KIF2C: variants seen among roughly 807,000 people sequenced by gnomAD.
KIF2C encodes kinesin-like protein KIF2C.
KIF2C carries 34 observed loss-of-function variants against 97.4 expected under a neutral mutation model. The ratio of observed to expected loss-of-function variants is 0.35; its 90% CI spans 0.27 to 0.46. KIF2C has a LOEUF of 0.46. Ranked by LOEUF, KIF2C falls within the 20% of genes least tolerant of loss-of-function variation. The pLI is 1.00. For synonymous variants in KIF2C, 313 were observed against 318.2 expected (o/e 0.98, Z 0.17); for missense variants, 750 against 907.6 (o/e 0.83, Z 2.23).
At chr1:44,766,386 C>T (rs1430033193) in intron 19 of KIF2C, among the ~76,000 whole-genome samples, 4 of 152,002 alleles carry the variant, frequency 2.6e-5, no homozygotes, top group Admixed American at 1.3e-4. Context: ...CCGAGGCCTG[C>T]GGATCACCTG....
At chr1:44,766,001 G>A (rs962100359) in intron 19 of KIF2C, among the ~76,000 whole-genome samples, 6 of 151,028 alleles carry the variant, frequency 4.0e-5, no homozygotes, top group South Asian at 2.1e-4. Context: ...GCAGTGAGCC[G>A]AGATCACGCC....
chr1:44,764,522 G>T (rs1319621813), intron 19 of KIF2C, among the ~76,000 whole-genome samples: 2 of 144,492 alleles, frequency 1.4e-5, no homozygotes, highest in Non-Finnish European at 3.0e-5. Context: ...TGTTTGTTTT[G>T]GGGGGGGATG....
In KIF2C at chr1:44,767,085, C is replaced by T. The variant is rs1476896667; in HGVS notation, c.2096-12C>T. On this transcript the variant is annotated splice_polypyrimidine_tract_variant and intron_variant, in intron 20 of 20. Transcript: ENST00000372224. The stretch of plus-strand genomic sequence containing the variant: ...TCACTAACCCCATATGTACCGCTAC[C>T]CTTTCTTCCAGATGTCATCAAGGCC... 6.2e-7 allele frequency: 1 copy of T among 1,613,824 alleles called. No homozygotes were observed. Among genetic ancestry groups the T allele is most frequent in the Non-Finnish European group, 8.5e-7 (1 of 1,179,774 alleles).
At chr1:44,761,586 C>T (rs112516171) in intron 16 of KIF2C, among the ~76,000 whole-genome samples, 8 of 148,384 alleles carry the variant, frequency 5.4e-5, no homozygotes, top group African/African-American at 1.0e-4. Flanking sequence ...CTGGTCTGGG[C>T]GACAGAGTGA....
intron 6 of KIF2C, 150 bp downstream of exon 6, chr1:44,753,404 C>T: frequency 1.1e-6 from 1 of 904,606 alleles, no homozygotes; most frequent in Non-Finnish European, 1.6e-6. Context: ...ATCAGTCTTT[C>T]ATTATCAAGA....
At chr1:44,766,204 G>A (rs571316068) in intron 19 of KIF2C, among the ~76,000 whole-genome samples, 67 of 152,188 alleles carry the variant, frequency 4.4e-4, no homozygotes, top group Middle Eastern at 6.8e-3. Context: ...CTCCAGCCTG[G>A]GTGACAGAGT....
chr1:44,755,576 T>A (rs1481068727), intron 8 of KIF2C, among the ~76,000 whole-genome samples: 1 of 152,224 alleles, frequency 6.6e-6, no homozygotes, highest in Non-Finnish European at 1.5e-5. Context: ...GGTTATTTTT[T>A]AATATCCTTT....
intron 7 of KIF2C, 67 bp downstream of exon 7, chr1:44,753,900 A>G: frequency 1.2e-6 from 1 of 824,504 alleles, no homozygotes. Context: ...CTCTACGGGC[A>G]ACAGAGATAC....
Position 44,759,241 on chromosome 1 carries a change from C to T in KIF2C, c.1260C>T (p.Arg420=), listed in dbSNP as rs776412145. The change falls in exon 14 of 21, where the codon CGC becomes CGT. Residue 420 remains arginine, a synonymous_variant. Transcript: ENST00000372224. The stretch of plus-strand genomic sequence containing the variant: ...TGCTCAACAAGAAGGCCAAGCTGCG[C>T]GTGCTGGAGGACGGCAAGCAACAGG... ...FDLLNKKAKL[R]VLEDGKQQVQ... The T allele has an allele frequency of 2.0e-5, 32 of 1,614,014 alleles. No individual in the cohort carries two copies. Among genetic ancestry groups the T allele is most frequent in the Middle Eastern group, 3.3e-4 (2 of 6,082 alleles).
rs552834455 is a variant in KIF2C, at chr1:44,757,467, A to G, written c.978-89A>G. 27 of 849,730 alleles carry G rather than the reference A, an allele frequency of 3.2e-5. No homozygotes were observed. In the African/African-American group the frequency reaches 4.1e-4, roughly 13 times the overall value. 52.6% of individuals were successfully genotyped at this position (849,730 alleles called of 1,614,324 possible). On this transcript the variant is annotated intron_variant, in intron 10 of 20. Coordinates refer to ENST00000372224, the MANE Select transcript of KIF2C (RefSeq NM_006845.4). ...GTGCTATTCTTAGAAGGAGGAATCG[A>G]CCCTAGAACTCTGCAGTGGAAGGGT...
chr1:44,753,619 C>T (rs1649646002), intron 6 of KIF2C, 114 bp from the exon 7 acceptor site: 1 of 658,982 alleles, frequency 1.5e-6, no homozygotes, highest in Non-Finnish European at 2.6e-6. Flanking sequence ...CTAGAGAAGG[C>T]CTCTCCCTGG....
At chr1:44,750,754 C>A (rs1008992695) in intron 5 of KIF2C, among the ~76,000 whole-genome samples, 190 bp downstream of exon 5, 1 of 152,208 alleles carries the variant, frequency 6.6e-6, no homozygotes, top group Non-Finnish European at 1.5e-5. Context: ...AAACATTACA[C>A]ACACATAAAC....
chr1:44,741,087 G>A, intron 2 of KIF2C, 80 bp downstream of exon 2: 1 of 1,119,084 alleles, frequency 8.9e-7, no homozygotes, highest in Admixed American at 2.0e-5. Context: ...ATCTGTGAGA[G>A]CCTAGTTTCT....
At chr1:44,753,012 T>C in intron 5 of KIF2C, 120 bp from the exon 6 acceptor site, 1 of 1,232,802 alleles carries the variant, frequency 8.1e-7, no homozygotes, top group Non-Finnish European at 1.1e-6. Flanking sequence ...GCTCTGCACA[T>C]ACTGTAAGCC....
chr1:44,749,782 C>T (rs1484821424), intron 4 of KIF2C, among the ~76,000 whole-genome samples: 2 of 151,450 alleles, frequency 1.3e-5, no homozygotes, highest in East Asian at 1.9e-4. Flanking sequence ...GAGACTCTGT[C>T]TCTCAAAAAA....
At chr1:44,748,089 A>G (rs1296963727) in intron 4 of KIF2C, among the ~76,000 whole-genome samples, 1 of 152,184 alleles carries the variant, frequency 6.6e-6, no homozygotes, top group Non-Finnish European at 1.5e-5. Flanking sequence ...TTAGAAGTAC[A>G]GTTGGTGGCG....
chr1:44,762,217 C>A (rs1280196059), intron 17 of KIF2C, 129 bp from the exon 18 acceptor site: 1 of 962,072 alleles, frequency 1.0e-6, no homozygotes, highest in Non-Finnish European at 1.7e-6. Flanking sequence ...TTTTCTCTCT[C>A]CTTGGCTGAA....
Position 44,766,942 on chromosome 1 carries a change from C to G in KIF2C, c.2088C>G (p.Ala696=), listed in dbSNP as rs201198303. ...CCCAGCAAGCCAAGCATTTCTCAGC[C>G]CTGCGAGGTGGGTGTGGCTGGATGG... ...ALAQQAKHFS[A]LRDVIKALRL... The change falls in exon 20 of 21, where the codon GCC becomes GCG. Residue 696 remains alanine, a synonymous_variant. Transcript: ENST00000372224. 110 of 1,614,166 alleles carry G rather than the reference C, an allele frequency of 6.8e-5. 3 individuals are homozygous for G. In the South Asian group the frequency reaches 1.2e-3, roughly 17 times the overall value.
intron 19 of KIF2C, 131 bp downstream of exon 19, chr1:44,762,789 G>C (rs1650238238): frequency 1.6e-6 from 1 of 618,964 alleles, no homozygotes; most frequent in Admixed American, 2.8e-5. Context: ...CTCTACACCA[G>C]CACTCTTTAA....
Sources: gnomAD v4.1 joint callset for allele counts (sites outside exome capture counted in the v4.1 genomes callset) on GRCh38, gnomAD v4.1.1 for gene constraint, MANE v1.5 for transcripts, NCBI Gene and HGNC (gene_info 2026-07-23, HGNC 2026-07-21) for gene names.